HDAC9: variants seen among roughly 807,000 people sequenced by gnomAD.
The protein encoded by HDAC9 is MEF-2 interacting transcription repressor (MITR) protein.
Under a neutral mutation model 139.4 loss-of-function variants are expected in HDAC9, and 41 were observed. That is an observed-to-expected ratio of 0.29 (90% CI 0.23 to 0.38). The LOEUF is 0.38. Ranked by LOEUF, HDAC9 falls within the 10% of genes least tolerant of loss-of-function variation. The pLI, the probability that HDAC9 is intolerant of heterozygous loss-of-function variation, is 1.00. For missense variants in HDAC9, 1,147 were observed against 1,297.0 expected, an observed-to-expected ratio of 0.88 and a Z score of 1.78; for synonymous variants, 517 against 476.2, an observed-to-expected ratio of 1.09 and a Z score of -1.12.
intron 1 of HDAC9, among the ~76,000 whole-genome samples, chr7:18,310,214 T>C (rs1431181227): frequency 6.6e-6 from 1 of 152,184 alleles, no homozygotes; most frequent in Non-Finnish European, 1.5e-5. Context: ...GGCTTCCCCA[T>C]GTCCATTTCA....
intron 1 of HDAC9, among the ~76,000 whole-genome samples, chr7:18,322,634 G>A (rs1207451738): frequency 6.6e-6 from 1 of 152,190 alleles, no homozygotes; most frequent in Non-Finnish European, 1.5e-5. Context: ...TGCTGGTGAG[G>A]ATCATGCTGA....
In HDAC9 at chr7:18,408,384, A is replaced by G. The variant is rs542413920; in HGVS notation, c.-41-87878A>G. Among the ~76,000 whole-genome samples, 8 of 152,314 alleles carry G rather than the reference A, an allele frequency of 5.3e-5. No individual in the cohort carries two copies. In the South Asian group the frequency reaches 8.3e-4, roughly 16 times the overall value. On this transcript the variant is annotated intron_variant, in intron 1 of 3. Coordinates refer to the HDAC9 transcript ENST00000413509. Reference sequence around the variant, plus strand: ...TGTCTGTCTCTTGGCCTTTGAGTATATAGGTATTTTCACAGCCATAGGAAA... The same window carrying G: ...TGTCTGTCTCTTGGCCTTTGAGTATGTAGGTATTTTCACAGCCATAGGAAA...
At chr7:18,126,667 G>A (rs986567843) in intron 1 of HDAC9, among the ~76,000 whole-genome samples, 3 of 152,084 alleles carry the variant, frequency 2.0e-5, no homozygotes, top group African/African-American at 7.2e-5. Context: ...ATTACAGTTG[G>A]CTGGAGATTT....
chr7:18,825,894 A>T (rs1315731806), intron 17 of HDAC9, among the ~76,000 whole-genome samples: 1 of 148,326 alleles, frequency 6.7e-6, no homozygotes, highest in Non-Finnish European at 1.5e-5. Context: ...TATAATATAT[A>T]TAATGTTATA....
intron 2 of HDAC9, among the ~76,000 whole-genome samples, chr7:18,535,110 C>T (rs1258860553): frequency 1.3e-5 from 2 of 152,126 alleles, no homozygotes; most frequent in Non-Finnish European, 2.9e-5. Context: ...TAATCACTAT[C>T]CAACTCACTT....
At chr7:18,975,440 T>C (rs1434886134) in intron 24 of HDAC9, among the ~76,000 whole-genome samples, 1 of 152,230 alleles carries the variant, frequency 6.6e-6, no homozygotes, top group African/African-American at 2.4e-5. Context: ...ATTCATGTTC[T>C]CTGTAAGAGT....
At chr7:18,732,805 G>A (rs1197983079) in intron 13 of HDAC9, among the ~76,000 whole-genome samples, 1 of 85,442 alleles carries the variant, frequency 1.2e-5, no homozygotes, top group Non-Finnish European at 2.2e-5. Context: ...GTGTGCGTAT[G>A]TGTACACACA....
At chr7:18,087,856 C>T (rs1562604842) in intron 1 of HDAC9, 1 of 152,464 alleles carries the variant, frequency 6.6e-6, no homozygotes, top group Admixed American at 6.5e-5. Flanking sequence ...GTTTGTTTGG[C>T]TTTGAAGCCG....
chr7:18,820,233 A>G (rs1794860403), intron 17 of HDAC9, among the ~76,000 whole-genome samples: 1 of 152,156 alleles, frequency 6.6e-6, no homozygotes, highest in South Asian at 2.1e-4. Flanking sequence ...GTCCTTTGAA[A>G]AACAGTAAAT....
rs139954522 is a variant in HDAC9, at chr7:18,203,557, T to C, written c.25+41208T>C. Among the ~76,000 whole-genome samples, 451 of 152,256 alleles carry C rather than the reference T, an allele frequency of 3.0e-3. 2 individuals carry two copies. Among genetic ancestry groups the C allele is most frequent in the African/African-American group, 0.01 (416 of 41,540 alleles). ...ATAATGCATTTATATGTATGTGGTATATGTGGGTAGGCAAATTCCATCATG... is the reference window on the plus strand; with the variant it reads ...ATAATGCATTTATATGTATGTGGTACATGTGGGTAGGCAAATTCCATCATG... On this transcript the variant is annotated intron_variant, in intron 2 of 12. Coordinates refer to the HDAC9 transcript ENST00000417496.
chr7:18,440,788 C>G lies in HDAC9; in HGVS notation c.-41-55474C>G, dbSNP rs539306941. 1.2e-4 allele frequency among the ~76,000 whole-genome samples: 18 copies of G among 152,202 alleles called. 1 individual carries two copies. The highest frequency in any genetic ancestry group is 1.8e-4 in the Non-Finnish European group (12 of 67,966). On this transcript the variant is annotated intron_variant, in intron 1 of 3. Transcript: ENST00000413509. Reference sequence around the variant, plus strand: ...TAATCACTTTGTTTGCCATAATAAACAAACACAACAAGACATGTAAAACTC... The same window carrying G: ...TAATCACTTTGTTTGCCATAATAAAGAAACACAACAAGACATGTAAAACTC...
At chr7:18,296,461 T>C (rs1410397991) in intron 1 of HDAC9, among the ~76,000 whole-genome samples, 2 of 152,070 alleles carry the variant, frequency 1.3e-5, no homozygotes, top group Non-Finnish European at 2.9e-5. Flanking sequence ...TAATAAACTC[T>C]TAGATACCTA....
intron 1 of HDAC9, among the ~76,000 whole-genome samples, chr7:18,148,611 C>G (rs1322750364): frequency 1.3e-5 from 2 of 152,178 alleles, no homozygotes; most frequent in Non-Finnish European, 2.9e-5. Flanking sequence ...CGCTCGCCAC[C>G]ACGCCCAGCT....
intron 1 of HDAC9, among the ~76,000 whole-genome samples, chr7:18,346,282 A>G (rs1655124237): frequency 6.6e-6 from 1 of 152,148 alleles, no homozygotes; most frequent in Admixed American, 6.6e-5. Flanking sequence ...GTTGCAGATA[A>G]ATTGAACTAG....
intron 2 of HDAC9, among the ~76,000 whole-genome samples, chr7:18,262,646 C>T (rs1357906340): frequency 6.6e-6 from 1 of 152,098 alleles, no homozygotes; most frequent in Non-Finnish European, 1.5e-5. Flanking sequence ...AATACAATGA[C>T]ATTAAAGCAA....
At chr7:18,836,797 T>C (rs554445078) in intron 21 of HDAC9, among the ~76,000 whole-genome samples, 11 of 152,076 alleles carry the variant, frequency 7.2e-5, no homozygotes, top group African/African-American at 2.4e-4. Flanking sequence ...GGAGCCTCCC[T>C]TGCAAGATTT....
chr7:18,411,628 G>T (rs567877408), intron 1 of HDAC9, among the ~76,000 whole-genome samples: 3 of 152,200 alleles, frequency 2.0e-5, no homozygotes, highest in South Asian at 4.2e-4. Flanking sequence ...GCCTGCCTTG[G>T]CCTCCCAAAG....
At chr7:18,820,334 C>G (rs909287507) in intron 17 of HDAC9, among the ~76,000 whole-genome samples, 1 of 152,120 alleles carries the variant, frequency 6.6e-6, no homozygotes, top group African/African-American at 2.4e-5. Flanking sequence ...TAATATAGAA[C>G]ACATCTTTAT....
intron 1 of HDAC9, among the ~76,000 whole-genome samples, chr7:18,108,925 G>A (rs548012901): frequency 3.3e-5 from 5 of 151,908 alleles, no homozygotes; most frequent in Non-Finnish European, 1.5e-5. Context: ...GGCCACACTC[G>A]TCTCTTATCA....
Sources: allele counts gnomAD v4.1 joint callset (sites outside exome capture counted in the v4.1 genomes callset), GRCh38; gene constraint gnomAD v4.1.1; transcripts MANE v1.5; gene names NCBI Gene and HGNC (gene_info 2026-07-23, HGNC 2026-07-21).